PHF24: variants seen among roughly 807,000 people sequenced by gnomAD.
PHF24 encodes Galpha inhibitory interacting protein.
In PHF24, 25 loss-of-function variants were observed where a neutral mutation model predicts 42.6. That is an observed-to-expected ratio of 0.59 (90% CI 0.43 to 0.82). PHF24 has a LOEUF of 0.82. PHF24 is among the 40% of genes least tolerant of loss of function. The pLI is 0.00. For missense variants in PHF24, 470 were observed against 538.1 expected (o/e 0.87, Z 1.25); for synonymous variants, 185 against 204.8 (o/e 0.90, Z 0.83).
chr9:34,725,729 T>G, the PHF24 span: 1 of 1,547,648 alleles, frequency 6.5e-7, no homozygotes, highest in Non-Finnish European at 8.7e-7. Flanking sequence ...AGCTCGTTGA[T>G]GGTCAGATGG....
the PHF24 span, among the ~76,000 whole-genome samples, chr9:34,747,270 G>A: frequency 1.3e-5 from 2 of 152,036 alleles, no homozygotes; most frequent in Non-Finnish European, 2.9e-5. Flanking sequence ...TAAAAAGTTA[G>A]CAGGGCAGAG....
chr9:34,768,461 C>CT, the PHF24 span, among the ~76,000 whole-genome samples: 18 of 152,130 alleles, frequency 1.2e-4, no homozygotes, highest in African/African-American at 4.3e-4. Context: ...ACTTTTACCA[C>CT]TTTTTTTGTG....
the PHF24 span, among the ~76,000 whole-genome samples, chr9:34,739,722 G>A: frequency 6.6e-6 from 1 of 152,160 alleles, no homozygotes; most frequent in African/African-American, 2.4e-5. Context: ...GCACCAGCAA[G>A]AGTTATTGCA....
At chr9:34,857,643 A>G in the PHF24 span, among the ~76,000 whole-genome samples, 18 of 152,274 alleles carry the variant, frequency 1.2e-4, no homozygotes, top group East Asian at 5.8e-4. Context: ...GTCAGTCCCA[A>G]TGTGAAAACC....
At chr9:34,929,811 A>G in the PHF24 span, among the ~76,000 whole-genome samples, 1 of 152,158 alleles carries the variant, frequency 6.6e-6, no homozygotes, top group Non-Finnish European at 1.5e-5. Flanking sequence ...AGAGATCACA[A>G]ACCTAAGATG....
the PHF24 span, among the ~76,000 whole-genome samples, chr9:34,949,992 GT>G: frequency 6.6e-6 from 1 of 151,584 alleles, no homozygotes; most frequent in African/African-American, 2.4e-5. Flanking sequence ...TTCAGCACAT[GT>G]ATCCCAGTAC....
chr9:34,691,616 G>A, the PHF24 span, among the ~76,000 whole-genome samples: 2 of 152,246 alleles, frequency 1.3e-5, no homozygotes, highest in Non-Finnish European at 2.9e-5. Flanking sequence ...GTGAGGAACT[G>A]TGCTCCCTTC....
chr9:34,677,501 A>T, the PHF24 span, among the ~76,000 whole-genome samples: 1 of 143,578 alleles, frequency 7.0e-6, no homozygotes, highest in African/African-American at 2.6e-5. Flanking sequence ...GGTTCACGCC[A>T]TTCTCCTGCC....
At chr9:34,882,392 G>T in the PHF24 span, among the ~76,000 whole-genome samples, 3 of 152,158 alleles carry the variant, frequency 2.0e-5, no homozygotes, top group South Asian at 4.1e-4. Context: ...GAAATAAAGG[G>T]TTTTCAATTA....
chr9:34,945,575 G>A, the PHF24 span, among the ~76,000 whole-genome samples: 1 of 152,156 alleles, frequency 6.6e-6, no homozygotes, highest in Admixed American at 6.5e-5. Context: ...GATCTTTAAG[G>A]GGTCTGCCCT....
chr9:34,668,499 G>C, the PHF24 span, among the ~76,000 whole-genome samples: 3 of 152,148 alleles, frequency 2.0e-5, no homozygotes, highest in African/African-American at 7.2e-5. Context: ...GTCATCACAA[G>C]GGCACACCCA....
the PHF24 span, among the ~76,000 whole-genome samples, chr9:34,927,278 A>C: frequency 2.0e-3 from 312 of 152,266 alleles, 2 homozygotes; most frequent in African/African-American, 7.2e-3. Context: ...GACGTATGGC[A>C]TTCAGCCAAC....
chr9:34,691,410 T>TC, the PHF24 span: 1 of 451,260 alleles, frequency 2.2e-6, no homozygotes, highest in East Asian at 4.1e-5. Context: ...CCCCCCTTCT[T>TC]CCCCCTGCGG....
chr9:34,860,246 T>C, the PHF24 span, among the ~76,000 whole-genome samples: 1 of 152,222 alleles, frequency 6.6e-6, no homozygotes, highest in Non-Finnish European at 1.5e-5. Flanking sequence ...TTAAGAGTCA[T>C]TGTATGTTTT....
At chr9:34,940,296 C>A in the PHF24 span, among the ~76,000 whole-genome samples, 2 of 152,028 alleles carry the variant, frequency 1.3e-5, no homozygotes, top group African/African-American at 4.8e-5. Flanking sequence ...CAAAGACACA[C>A]AGAAGCAGTC....
chr9:34,909,917 G>A, the PHF24 span, among the ~76,000 whole-genome samples: 7 of 152,162 alleles, frequency 4.6e-5, no homozygotes, highest in South Asian at 2.1e-4. Context: ...GTGAGCCACC[G>A]CGCCCAGCCG....
chr9:34,780,730 A>G, the PHF24 span, among the ~76,000 whole-genome samples: 10 of 152,244 alleles, frequency 6.6e-5, no homozygotes, highest in Non-Finnish European at 1.0e-4. Flanking sequence ...CATTCAGAAC[A>G]TATAAATAAA....
At chr9:34,978,268 C>A (rs921177674) in exon 8 of PHF24, 19 of 613,700 alleles carry the variant, frequency 3.1e-5, no homozygotes, top group Admixed American at 2.5e-4. Context: ...AATCACCATT[C>A]CCCTCACAAT....
chr9:34,764,167 G>A, the PHF24 span, among the ~76,000 whole-genome samples: 1 of 152,048 alleles, frequency 6.6e-6, no homozygotes, highest in Admixed American at 6.6e-5. Context: ...CTCTTTTTTG[G>A]TTGTGTCTCT....
Sources: gnomAD v4.1 joint callset for allele counts (sites outside exome capture counted in the v4.1 genomes callset) on GRCh38, gnomAD v4.1.1 for gene constraint, MANE v1.5 for transcripts, NCBI Gene and HGNC (gene_info 2026-07-23, HGNC 2026-07-21) for gene names.